Variants in GSDMC observed in about 807,000 individuals in gnomAD.
GSDMC encodes gasdermin C.
In GSDMC, 59 loss-of-function variants were observed where a neutral mutation model predicts 58.0. The ratio of observed to expected loss-of-function variants is 1.02; its 90% CI spans 0.82 to 1.26. The LOEUF (loss-of-function observed/expected upper bound fraction) is 1.26, where lower values mean the gene tolerates loss of function less well. Ranked by LOEUF, GSDMC falls within the 50% of genes most tolerant of loss-of-function variation. GSDMC has a pLI of 0.00. For synonymous variants in GSDMC, 241 were observed against 220.2 expected (o/e 1.09, Z -0.83); for missense variants, 659 against 598.5 (o/e 1.10, Z -1.06).
At chr8:129,715,382 A>T in the GSDMC span, among the ~76,000 whole-genome samples, 1 of 152,194 alleles carries the variant, frequency 6.6e-6, no homozygotes. Context: ...AAAAATATCC[A>T]GCATCAAACA....
intron 7 of GSDMC, among the ~76,000 whole-genome samples, 175 bp from the exon 8 acceptor site, chr8:129,752,322 C>T (rs1294385654): frequency 1.3e-5 from 2 of 152,214 alleles, no homozygotes; most frequent in Non-Finnish European, 2.9e-5. Context: ...CCCAGGCAGC[C>T]TCTTTCCCCA....
the GSDMC span, among the ~76,000 whole-genome samples, chr8:129,710,225 A>T: frequency 6.6e-6 from 1 of 152,252 alleles, no homozygotes; most frequent in South Asian, 2.1e-4. Context: ...CATGCAGCAC[A>T]GTACAGTGCT....
Position 129,749,540 on chromosome 8 carries a change from C to T in GSDMC, c.1214-15G>A, listed in dbSNP as rs1382796887. 1.2e-6 allele frequency: 2 copies of T among 1,604,488 alleles called. No homozygotes were observed. Among genetic ancestry groups the T allele is most frequent in the South Asian group, 2.2e-5 (2 of 90,886 alleles). ...GTCACTCAGCACTGAGGGTGGGGGA[C>T]ATGTGGGGAAAGACAGTAGTGAAGA... On this transcript the variant is annotated splice_polypyrimidine_tract_variant and intron_variant, in intron 12 of 13. Coordinates refer to ENST00000276708, the MANE Select transcript of GSDMC (RefSeq NM_031415.3).
chr8:129,756,967 A>T (rs527983672), intron 6 of GSDMC, among the ~76,000 whole-genome samples: 6 of 152,234 alleles, frequency 3.9e-5, no homozygotes, highest in Non-Finnish European at 8.8e-5. Context: ...AAAACTTCAT[A>T]AAAAACTACC....
the GSDMC span, among the ~76,000 whole-genome samples, chr8:129,725,297 C>T: frequency 6.6e-6 from 1 of 152,210 alleles, no homozygotes; most frequent in Non-Finnish European, 1.5e-5. Context: ...GATTTATCCT[C>T]CCTGGAACCT....
At chr8:129,712,704 T>C in the GSDMC span, among the ~76,000 whole-genome samples, 25 of 152,152 alleles carry the variant, frequency 1.6e-4, no homozygotes, top group Admixed American at 1.6e-3. Flanking sequence ...GTGGCTGGGA[T>C]CAAGATAAAG....
intron 1 of GSDMC, among the ~76,000 whole-genome samples, chr8:129,780,845 A>G (rs2034385022): frequency 6.6e-6 from 1 of 152,238 alleles, no homozygotes; most frequent in South Asian, 2.1e-4. Flanking sequence ...TTCAAGACAT[A>G]GTACCACAGG....
At chr8:129,737,569 G>A in the GSDMC span, among the ~76,000 whole-genome samples, 1 of 152,148 alleles carries the variant, frequency 6.6e-6, no homozygotes, top group Non-Finnish European at 1.5e-5. Context: ...AAATGGTGCT[G>A]GGAAAACTGG....
At chr8:129,776,057 C>G (rs1288443182) in intron 3 of GSDMC, 45 bp downstream of exon 3, 4 of 1,448,890 alleles carry the variant, frequency 2.8e-6, no homozygotes, top group Non-Finnish European at 3.8e-6. Flanking sequence ...GAAAACACCC[C>G]CTGGGATACT....
At chr8:129,737,543 G>T in the GSDMC span, among the ~76,000 whole-genome samples, 4 of 152,176 alleles carry the variant, frequency 2.6e-5, no homozygotes, top group Non-Finnish European at 5.9e-5. Context: ...AATGGGGAAA[G>T]AATTCTCTAT....
At chr8:129,762,531 T>C in intron 5 of GSDMC, 95 bp downstream of exon 5, 1 of 791,990 alleles carries the variant, frequency 1.3e-6, no homozygotes, top group Non-Finnish European at 2.2e-6. Flanking sequence ...GCATCAAAGG[T>C]TGCATACTAT....
chr8:129,714,910 A>T, the GSDMC span, among the ~76,000 whole-genome samples: 2 of 152,242 alleles, frequency 1.3e-5, no homozygotes, highest in Non-Finnish European at 2.9e-5. Flanking sequence ...ATGTACAACG[A>T]TTGAAAGCAA....
the GSDMC span, among the ~76,000 whole-genome samples, chr8:129,741,288 A>G: frequency 6.6e-6 from 1 of 152,048 alleles, no homozygotes; most frequent in Non-Finnish European, 1.5e-5. Context: ...TGATGCCTCC[A>G]GTTTTGTTAT....
Position 129,748,516 on chromosome 8 carries a change from C to A in GSDMC, c.1512G>T (p.Gln504His). Residue 504 changes from glutamine (Q) to histidine (H), a missense_variant, in exon 14 of 14, where the codon CAG becomes CAT. Physicochemically the swap from Gln to His is conservative, Grantham distance 24. Transcript: ENST00000276708. ...CAGGGAGGGCTTAGGCCTCAGCCAG[C>A]TGCTGCAGCAACGAGAGAGTCCCAT... ...ALYGTLSLLQ[Q>H]LAEA The A allele has an allele frequency of 6.2e-7, 1 of 1,607,800 alleles. No homozygotes were observed. Among genetic ancestry groups the A allele is most frequent in the Non-Finnish European group, 8.5e-7 (1 of 1,177,050 alleles).
chr8:129,752,093 A>C lies in GSDMC; in HGVS notation c.886+13T>G, dbSNP rs763784301. ...CAGATTGTCCTGGAAGGGGAGGGCC[A>C]GATTCCACTCACTTGGCAAATGCCC... On this transcript the variant is annotated intron_variant, in intron 8 of 13. Transcript: ENST00000276708. 1 of 1,609,630 alleles carries C rather than the reference A, an allele frequency of 6.2e-7. No individual in the cohort carries two copies. The highest frequency in any genetic ancestry group is 8.5e-7 in the Non-Finnish European group (1 of 1,175,870).
chr8:129,776,912 C>A (rs1374634827), intron 2 of GSDMC, among the ~76,000 whole-genome samples: 3 of 147,670 alleles, frequency 2.0e-5, no homozygotes, highest in Non-Finnish European at 4.5e-5. Context: ...AAGAGTGCAC[C>A]ACCCATGCCT....
At chr8:129,735,985 TC>T in the GSDMC span, among the ~76,000 whole-genome samples, 5 of 151,960 alleles carry the variant, frequency 3.3e-5, no homozygotes, top group African/African-American at 1.2e-4. Flanking sequence ...TCACCAACAA[TC>T]CCACAGGAAT....
At chr8:129,740,754 A>T in the GSDMC span, among the ~76,000 whole-genome samples, 1 of 152,336 alleles carries the variant, frequency 6.6e-6, no homozygotes, top group Non-Finnish European at 1.5e-5. Context: ...GCTCCCTAGC[A>T]GATGTATGGA....
In GSDMC at chr8:129,771,583, G is replaced by A. The variant is rs537970665; in HGVS notation, c.404+4519C>T. Among the ~76,000 whole-genome samples the A allele has an allele frequency of 1.8e-3, 274 of 151,892 alleles. 2 individuals carry two copies. Among genetic ancestry groups the A allele is most frequent in the South Asian group, 3.3e-3 (16 of 4,812 alleles). On this transcript the variant is annotated intron_variant, in intron 3 of 13. Coordinates refer to ENST00000276708, the MANE Select transcript of GSDMC (RefSeq NM_031415.3). The stretch of plus-strand genomic sequence containing the variant: ...CAGTGGGTCAAAGAAGAAATCAAAA[G>A]GGAATTCAAAAAATATCTGAGACAA...
Sources: gnomAD v4.1 joint callset for allele counts (sites outside exome capture counted in the v4.1 genomes callset) on GRCh38, gnomAD v4.1.1 for gene constraint, MANE v1.5 for transcripts, NCBI Gene and HGNC (gene_info 2026-07-23, HGNC 2026-07-21) for gene names.